Variants in ERBB4 observed in about 807,000 individuals in gnomAD.
ERBB4 encodes the protein erb-b2 receptor tyrosine kinase 4.
Under a neutral mutation model 158.0 loss-of-function variants are expected in ERBB4, and 42 were observed. The observed-to-expected ratio is 0.27, with a 90% CI of 0.21 to 0.34. The LOEUF (loss-of-function observed/expected upper bound fraction) is 0.34. Among genes scored for constraint, ERBB4 ranks in the 10% least tolerant of loss-of-function variants. ERBB4 has a pLI of 1.00. For missense variants in ERBB4, 1,333 were observed against 1,624.1 expected (o/e 0.82, Z 3.08); for synonymous variants, 583 against 558.7 (o/e 1.04, Z -0.61).
chr2:211,495,232 T>C (rs1056289576), intron 20 of ERBB4, among the ~76,000 whole-genome samples: 7 of 152,070 alleles, frequency 4.6e-5, no homozygotes, highest in Non-Finnish European at 8.8e-5. Context: ...GAAAATTATA[T>C]GTAAAACAGC....
chr2:211,491,763 C>T (rs1277800917), intron 20 of ERBB4, among the ~76,000 whole-genome samples: 3 of 151,854 alleles, frequency 2.0e-5, no homozygotes, highest in East Asian at 1.9e-4. Flanking sequence ...TCAATGGAAA[C>T]GTTTGAAATG....
intron 4 of ERBB4, among the ~76,000 whole-genome samples, chr2:211,752,509 A>T (rs972384139): frequency 1.3e-5 from 2 of 150,198 alleles, no homozygotes; most frequent in Non-Finnish European, 3.0e-5. Context: ...AAAAAAAGAA[A>T]AGAAAAGATA....
chr2:211,559,538 T>A (rs2125715857), intron 20 of ERBB4, among the ~76,000 whole-genome samples: 1 of 152,342 alleles, frequency 6.6e-6, no homozygotes, highest in African/African-American at 2.4e-5. Flanking sequence ...GATCACCACA[T>A]CTGTAGAGCC....
chr2:212,237,601 A>G (rs993696828), intron 1 of ERBB4, among the ~76,000 whole-genome samples: 4 of 152,108 alleles, frequency 2.6e-5, no homozygotes, highest in African/African-American at 4.8e-5. Flanking sequence ...CAGAGCTCGA[A>G]TGCTATGCTG....
intron 2 of ERBB4, among the ~76,000 whole-genome samples, chr2:212,013,268 G>T (rs1311378877): frequency 1.3e-5 from 2 of 152,046 alleles, no homozygotes; most frequent in African/African-American, 4.8e-5. Flanking sequence ...TGTTGGCCGG[G>T]TGTAATTATT....
chr2:212,049,880 G>T (rs1394820804), intron 2 of ERBB4, among the ~76,000 whole-genome samples: 1 of 152,106 alleles, frequency 6.6e-6, no homozygotes, highest in Non-Finnish European at 1.5e-5. Flanking sequence ...GATATGCTAT[G>T]TACTACTTTC....
intron 1 of ERBB4, among the ~76,000 whole-genome samples, chr2:212,328,514 ATAT>A (rs1433632425): frequency 2.6e-5 from 4 of 152,008 alleles, no homozygotes; most frequent in African/African-American, 9.7e-5. Flanking sequence ...GAAGCTGGAG[ATAT>A]TATGGTCATC....
intron 4 of ERBB4, among the ~76,000 whole-genome samples, chr2:211,770,713 C>T (rs2075669264): frequency 6.6e-6 from 1 of 152,150 alleles, no homozygotes; most frequent in African/African-American, 2.4e-5. Context: ...AACAAGTCTG[C>T]TCCATACTAG....
chr2:211,793,656 G>A (rs1056866756), intron 3 of ERBB4, among the ~76,000 whole-genome samples: 12 of 151,886 alleles, frequency 7.9e-5, no homozygotes, highest in African/African-American at 2.4e-4. Flanking sequence ...AAGTAATATA[G>A]CTCACATCAT....
chr2:212,034,253 C>A (rs1308751051), intron 2 of ERBB4, among the ~76,000 whole-genome samples: 1 of 151,884 alleles, frequency 6.6e-6, no homozygotes, highest in East Asian at 1.9e-4. Flanking sequence ...TTTTCCCTAC[C>A]TTTACCTACA....
rs1251687378 is a variant in ERBB4, at chr2:211,376,606, A to C, written c.*7009T>G. 6 of 232,726 alleles carry C rather than the reference A, an allele frequency of 2.6e-5. No homozygotes were observed. The highest frequency in any genetic ancestry group is 4.3e-5 in the Non-Finnish European group (5 of 117,534). The allele number at this position is 232,726 out of a possible 1,614,324, so 14.4% of individuals were successfully genotyped here. On this transcript the variant is annotated 3_prime_UTR_variant, in exon 28 of 28. Coordinates refer to ENST00000342788, the MANE Select transcript of ERBB4 (RefSeq NM_005235.3). ...TTAAGAAAATAAGGAAGTGAGTACA[A>C]ATGTATACACCTTAAGCCTCTGCCT...
intron 3 of ERBB4, among the ~76,000 whole-genome samples, chr2:211,854,791 T>G (rs1408016783): frequency 6.6e-6 from 1 of 152,090 alleles, no homozygotes; most frequent in Non-Finnish European, 1.5e-5. Flanking sequence ...TTCTTAAGCT[T>G]GTCCTTTGAA....
intron 2 of ERBB4, among the ~76,000 whole-genome samples, chr2:212,074,415 A>G (rs1236049650): frequency 6.6e-6 from 1 of 152,026 alleles, no homozygotes; most frequent in East Asian, 1.9e-4. Context: ...ATAGCACATC[A>G]TTAAGGGTAA....
chr2:212,123,393 A>G (rs1387988026), intron 2 of ERBB4, among the ~76,000 whole-genome samples: 6 of 152,192 alleles, frequency 3.9e-5, no homozygotes, highest in Admixed American at 3.3e-4. Context: ...ACAGAGCAAG[A>G]CTCCATCTCA....
intron 7 of ERBB4, among the ~76,000 whole-genome samples, chr2:211,714,839 A>T (rs1452491280): frequency 6.6e-6 from 1 of 152,208 alleles, no homozygotes; most frequent in Non-Finnish European, 1.5e-5. Context: ...TAGGGGCAGA[A>T]GCACAAGTAA....
chr2:211,807,732 A>G (rs947329897), intron 3 of ERBB4, among the ~76,000 whole-genome samples: 11 of 152,122 alleles, frequency 7.2e-5, no homozygotes, highest in African/African-American at 2.4e-4. Context: ...ACTAGTTTAC[A>G]CTCCCACCAA....
rs560843139 is a variant in ERBB4 at position 212,157,968 on chromosome 2, A to G, written c.83-33065T>C. On this transcript the variant is annotated intron_variant, in intron 1 of 27. Transcript: ENST00000342788. ...CTGATTCTGTCACCATGTTGCCTAT[A>G]CAACTGAGATAGGCTCCTCTGAACT... Among the ~76,000 whole-genome samples, 11 of 152,200 alleles carry G rather than the reference A, an allele frequency of 7.2e-5. No homozygotes were observed. In the South Asian group the frequency reaches 2.3e-3, roughly 32 times the overall value.
At chr2:212,234,732 G>A (rs2083792927) in intron 1 of ERBB4, among the ~76,000 whole-genome samples, 1 of 152,216 alleles carries the variant, frequency 6.6e-6, no homozygotes, top group African/African-American at 2.4e-5. Flanking sequence ...CTAATGACCA[G>A]TGATGATGAG....
intron 2 of ERBB4, among the ~76,000 whole-genome samples, chr2:211,995,381 C>T (rs1049991770): frequency 6.6e-5 from 10 of 152,120 alleles, no homozygotes; most frequent in Admixed American, 1.3e-4. Context: ...AGTTTCTCAA[C>T]GGCTTTTCAT....
Sources: gnomAD v4.1 joint callset for allele counts (sites outside exome capture counted in the v4.1 genomes callset) on GRCh38, gnomAD v4.1.1 for gene constraint, MANE v1.5 for transcripts, NCBI Gene and HGNC (gene_info 2026-07-23, HGNC 2026-07-21) for gene names.